Variants in NPAS2 observed in about 807,000 individuals in gnomAD.
NPAS2 encodes neuronal PAS domain protein 2.
Under a neutral mutation model 107.5 loss-of-function variants are expected in NPAS2, and 23 were observed. That is an observed-to-expected ratio of 0.21 (90% CI 0.15 to 0.30). The LOEUF (loss-of-function observed/expected upper bound fraction) is 0.30. Ranked by LOEUF, NPAS2 falls within the 10% of genes least tolerant of loss-of-function variation. The probability of loss-of-function intolerance (pLI) is 1.00; values close to 1 mark genes in which losing one functional copy is unlikely to be tolerated. For synonymous variants in NPAS2, 403 were observed against 417.5 expected, an observed-to-expected ratio of 0.97 and a Z score of 0.42; for missense variants, 756 against 1,043.3, an observed-to-expected ratio of 0.72 and a Z score of 3.79.
At chr2:100,857,682 G>A (rs1334663556) in intron 1 of NPAS2, among the ~76,000 whole-genome samples, 2 of 152,354 alleles carry the variant, frequency 1.3e-5, no homozygotes, top group African/African-American at 4.8e-5. Context: ...GTGAAAACAC[G>A]CTCCTGTTAA....
chr2:100,989,848 G>A (rs538018859), intron 17 of NPAS2: 1 of 177,574 alleles, frequency 5.6e-6, no homozygotes, highest in African/African-American at 2.4e-5. Flanking sequence ...TAATATTTGA[G>A]TCAAGACCTG....
In NPAS2 at chr2:100,977,758, C is replaced by T; in HGVS notation, c.1441C>T (p.Pro481Ser). ...SSCDLTQQLL[P>S]QTVLQSTPAP... ...CTGCGACCTCACACAGCAGCTCCTG[C>T]CTCAGACCGTTCTGCAGAGCACGCC... The change falls in exon 15 of 21, where the codon CCT becomes TCT. Residue 481 changes from proline (P) to serine (S), a missense_variant. Around this residue, in one of 4 missense-constraint regions of NPAS2, gnomAD observed 496 missense variants for 594.4 expected, o/e 0.83. Transcript: ENST00000335681. 1 of 1,614,230 alleles carries T rather than the reference C, an allele frequency of 6.2e-7. No homozygotes were observed. Among genetic ancestry groups the T allele is most frequent in the Non-Finnish European group, 8.5e-7 (1 of 1,180,056 alleles).
chr2:100,993,449 C>A lies in NPAS2; in HGVS notation c.2214C>A (p.His738Gln), dbSNP rs753716965. The A allele has an allele frequency of 4.3e-6, 7 of 1,612,920 alleles. No homozygotes were observed. Among genetic ancestry groups the A allele is most frequent in the Non-Finnish European group, 5.9e-6 (7 of 1,179,510 alleles). The part of the protein sequence containing the change: ...PVLLMGQAVL[H>Q]PSFPASQPSP... ...TGCTGATGGGGCAGGCGGTGCTCCA[C>A]CCCAGCTTCCCTGCCTCCCAACCAT... Residue 738 changes from histidine to glutamine, a missense_variant, in exon 20 of 21, where the codon CAC becomes CAA. By Grantham distance (24) the His-to-Gln change is conservative (BLOSUM62 0). Transcript: ENST00000335681.
chr2:100,965,067 A>G lies in NPAS2; in HGVS notation c.800+124A>G, dbSNP rs921868959. Reference sequence around the variant, plus strand: ...TGAAAGAGGAGGACTCTCTGGCACTAGGAAAAGTCGTCCCTGCCAAGGGTG... The same window carrying G: ...TGAAAGAGGAGGACTCTCTGGCACTGGGAAAAGTCGTCCCTGCCAAGGGTG... On this transcript the variant is annotated intron_variant, in intron 9 of 20. Transcript: ENST00000335681. This position sits in a 1 kb window ranked among gnomAD's most constrained non-coding sequence, Gnocchi z 4.3. 3 of 610,548 alleles carry G rather than the reference A, an allele frequency of 4.9e-6. No individual in the cohort carries two copies. Among genetic ancestry groups the G allele is most frequent in the Non-Finnish European group, 8.2e-6 (3 of 366,858 alleles). 37.8% of individuals were successfully genotyped at this position (610,548 alleles called of 1,614,324 possible). A position where few individuals can be genotyped will look rare whatever the true frequency, so the allele number is the denominator to read the frequency against.
intron 5 of NPAS2, 24 bp from the exon 6 acceptor site, chr2:100,948,211 T>A: frequency 6.2e-7 from 1 of 1,611,088 alleles, no homozygotes; most frequent in Non-Finnish European, 8.5e-7. Context: ...AGGGTGTACC[T>A]TTGTCCTTTA....
intron 18 of NPAS2, 22 bp from the exon 19 acceptor site, chr2:100,990,758 A>C: frequency 7.5e-6 from 12 of 1,608,134 alleles, no homozygotes; most frequent in Non-Finnish European, 1.0e-5. Flanking sequence ...TCAGTTTCCT[A>C]TTTCCCCACC....
At chr2:100,922,705 G>A (rs1683309567) in intron 2 of NPAS2, among the ~76,000 whole-genome samples, 1 of 152,176 alleles carries the variant, frequency 6.6e-6, no homozygotes, top group Non-Finnish European at 1.5e-5. Context: ...TGGAAATAAG[G>A]TCATTCCAGG....
chr2:100,832,917 A>G (rs1235400059), intron 1 of NPAS2, among the ~76,000 whole-genome samples: 2 of 152,164 alleles, frequency 1.3e-5, no homozygotes, highest in African/African-American at 4.8e-5. Context: ...CTATGAAGCA[A>G]CGGCATCTCT....
intron 1 of NPAS2, among the ~76,000 whole-genome samples, chr2:100,854,802 G>A (rs1297845287): frequency 2.0e-5 from 3 of 152,166 alleles, no homozygotes; most frequent in Non-Finnish European, 4.4e-5. Context: ...CTGCTGCTTC[G>A]TTTGGTGATA....
chr2:100,937,869 C>T (rs1221197507), intron 5 of NPAS2, 27 bp downstream of exon 5: 2 of 1,486,474 alleles, frequency 1.3e-6, no homozygotes, highest in South Asian at 1.1e-5. Flanking sequence ...ATGGCCTTTA[C>T]CGGTTCACGT....
chr2:100,844,654 G>A (rs979938353), intron 1 of NPAS2, among the ~76,000 whole-genome samples: 4 of 152,052 alleles, frequency 2.6e-5, no homozygotes, highest in African/African-American at 7.2e-5. Flanking sequence ...ATAGGGGAAC[G>A]TTTGGTTGTT....
intron 7 of NPAS2, among the ~76,000 whole-genome samples, chr2:100,952,328 C>T (rs1482951228): frequency 1.3e-5 from 2 of 152,000 alleles, no homozygotes; most frequent in African/African-American, 2.4e-5. Flanking sequence ...CAACAGTGCA[C>T]ACACTTCGGG....
At chr2:100,943,845 C>A (rs1674726826) in intron 5 of NPAS2, among the ~76,000 whole-genome samples, 1 of 152,168 alleles carries the variant, frequency 6.6e-6, no homozygotes, top group South Asian at 2.1e-4. Flanking sequence ...TGAGGCCCTT[C>A]CAATTTTACC....
intron 2 of NPAS2, among the ~76,000 whole-genome samples, chr2:100,923,667 G>C (rs940987290): frequency 1.3e-5 from 2 of 152,140 alleles, no homozygotes; most frequent in Non-Finnish European, 2.9e-5. Context: ...TGGAAAAGCA[G>C]CAATGTTTTA....
chr2:100,910,112 C>G (rs774455974), intron 2 of NPAS2, among the ~76,000 whole-genome samples: 2 of 152,096 alleles, frequency 1.3e-5, no homozygotes, highest in African/African-American at 4.8e-5. Flanking sequence ...TTTACTAAAG[C>G]CTTTTCAATA....
intron 1 of NPAS2, among the ~76,000 whole-genome samples, chr2:100,866,303 G>A (rs553116229): frequency 1.3e-5 from 2 of 152,218 alleles, no homozygotes; most frequent in African/African-American, 4.8e-5. Flanking sequence ...TTTGTTGACT[G>A]TGTGATTTTA....
chr2:100,970,172 G>A (rs1404330558), intron 11 of NPAS2, among the ~76,000 whole-genome samples: 1 of 152,186 alleles, frequency 6.6e-6, no homozygotes, highest in Admixed American at 6.5e-5. Flanking sequence ...GCAGCCGCCT[G>A]TTGCCACCCA....
chr2:100,944,902 G>A (rs965695192), intron 5 of NPAS2, among the ~76,000 whole-genome samples: 9 of 152,154 alleles, frequency 5.9e-5, no homozygotes, highest in Admixed American at 6.5e-5. Context: ...CTTGCTCTCT[G>A]CCACACCCAC....
chr2:100,882,531 A>T (rs1680429290), intron 1 of NPAS2, among the ~76,000 whole-genome samples: 1 of 152,124 alleles, frequency 6.6e-6, no homozygotes, highest in South Asian at 2.1e-4. Context: ...AGAATGGCGT[A>T]AAACCCGGGA....
Sources: allele counts gnomAD v4.1 joint callset (sites outside exome capture counted in the v4.1 genomes callset), GRCh38; gene constraint gnomAD v4.1.1; regional missense constraint gnomAD v4.1.1; non-coding constraint Gnocchi (gnomAD v3.1); transcripts MANE v1.5; gene names NCBI Gene and HGNC (gene_info 2026-07-23, HGNC 2026-07-21).